ARHGAP24: variants seen among roughly 807,000 people sequenced by gnomAD.
The protein encoded by ARHGAP24 is Rho GTPase activating protein 24, also known as rho GTPase-activating protein 24.
A neutral mutation model predicts 76.4 loss-of-function variants in ARHGAP24; 50 were observed. That is an observed-to-expected ratio of 0.65 (90% confidence interval 0.52 to 0.83). The LOEUF is 0.83. ARHGAP24 is among the 40% of genes least tolerant of loss of function. The pLI is 0.00. For synonymous variants in ARHGAP24, 345 were observed against 323.3 expected, an observed-to-expected ratio of 1.07 and a Z score of -0.72; for missense variants, 930 against 914.2, an observed-to-expected ratio of 1.02 and a Z score of -0.22.
chr4:85,495,868 C>T (rs551495063), intron 1 of ARHGAP24, among the ~76,000 whole-genome samples: 15 of 152,284 alleles, frequency 9.9e-5, no homozygotes, highest in African/African-American at 3.6e-4. Flanking sequence ...TGACTGTCAG[C>T]ATTATTTCTC....
chr4:85,884,576 T>C (rs1263235075), intron 3 of ARHGAP24, among the ~76,000 whole-genome samples: 1 of 152,174 alleles, frequency 6.6e-6, no homozygotes, highest in Non-Finnish European at 1.5e-5. Context: ...CAAGCCTCCA[T>C]TCTGGGTTAG....
chr4:85,662,206 A>C (rs1314872400), intron 2 of ARHGAP24, among the ~76,000 whole-genome samples: 1 of 152,150 alleles, frequency 6.6e-6, no homozygotes, highest in East Asian at 1.9e-4. Flanking sequence ...AATGATTGCC[A>C]TTCTAACTGG....
At chr4:85,696,207 C>A (rs1723859276) in intron 2 of ARHGAP24, among the ~76,000 whole-genome samples, 1 of 151,644 alleles carries the variant, frequency 6.6e-6, no homozygotes, top group Admixed American at 6.6e-5. Flanking sequence ...GTATTTATTT[C>A]TTCCTGATTC....
intron 1 of ARHGAP24, among the ~76,000 whole-genome samples, chr4:85,513,996 A>T (rs1553911623): frequency 3.3e-5 from 5 of 152,148 alleles, no homozygotes; most frequent in Non-Finnish European, 7.4e-5. Context: ...AAAGGTCTGC[A>T]TTCCTGTTTT....
intron 3 of ARHGAP24, among the ~76,000 whole-genome samples, chr4:85,854,601 T>G (rs537575788): frequency 1.3e-5 from 2 of 152,352 alleles, no homozygotes; most frequent in South Asian, 4.1e-4. Context: ...CCTTTCTTGC[T>G]CTTTTCATTT....
intron 3 of ARHGAP24, among the ~76,000 whole-genome samples, chr4:85,759,049 A>T (rs1726635413): frequency 1.3e-5 from 2 of 152,216 alleles, no homozygotes; most frequent in South Asian, 4.1e-4. Flanking sequence ...TTGCACTTTA[A>T]TTCCCAAATT....
intron 3 of ARHGAP24, among the ~76,000 whole-genome samples, chr4:85,776,575 G>C (rs1173718625): frequency 6.6e-6 from 1 of 152,142 alleles, no homozygotes; most frequent in Admixed American, 6.6e-5. Flanking sequence ...AAGTAGGTTT[G>C]AAGGCCAATT....
intron 3 of ARHGAP24, among the ~76,000 whole-genome samples, chr4:85,730,038 A>G (rs1361785031): frequency 6.6e-6 from 1 of 152,308 alleles, no homozygotes; most frequent in African/African-American, 2.4e-5. Flanking sequence ...CCATTGCCTC[A>G]AAATCATGAT....
chr4:85,619,856 G>A (rs1430703934), intron 2 of ARHGAP24, among the ~76,000 whole-genome samples: 1 of 151,452 alleles, frequency 6.6e-6, no homozygotes, highest in Non-Finnish European at 1.5e-5. Context: ...TTTGTTGAGA[G>A]TTTTTATTAT....
chr4:85,595,141 A>G (rs946263158), intron 2 of ARHGAP24, among the ~76,000 whole-genome samples: 1 of 152,082 alleles, frequency 6.6e-6, no homozygotes, highest in Non-Finnish European at 1.5e-5. Context: ...ACTTCCCTCC[A>G]ATCCAATAAC....
intron 3 of ARHGAP24, among the ~76,000 whole-genome samples, chr4:85,818,606 G>A (rs1046474243): frequency 6.6e-6 from 1 of 152,122 alleles, no homozygotes; most frequent in Non-Finnish European, 1.5e-5. Context: ...CATCAAAAGG[G>A]CCTCAGTTAG....
At chr4:85,957,382 T>C (rs746080199) in intron 5 of ARHGAP24, among the ~76,000 whole-genome samples, 1 of 152,172 alleles carries the variant, frequency 6.6e-6, no homozygotes, top group Non-Finnish European at 1.5e-5. Flanking sequence ...GAACATGTTA[T>C]TAAATGTCCC....
chr4:85,628,210 T>C (rs1420170748), intron 2 of ARHGAP24, among the ~76,000 whole-genome samples: 2 of 152,208 alleles, frequency 1.3e-5, no homozygotes, highest in African/African-American at 4.8e-5. Flanking sequence ...TATTTGACCA[T>C]CTTGGCTCCT....
chr4:85,954,946 G>C (rs1451196021), intron 5 of ARHGAP24, among the ~76,000 whole-genome samples: 3 of 152,210 alleles, frequency 2.0e-5, no homozygotes. Flanking sequence ...GGAGGCGGAG[G>C]TTGCGGTGAG....
chr4:85,603,364 G>T (rs73832882), intron 2 of ARHGAP24, among the ~76,000 whole-genome samples: 2 of 152,102 alleles, frequency 1.3e-5, no homozygotes, highest in East Asian at 1.9e-4. Context: ...TAGCTGTGAC[G>T]CACTTACCAT....
intron 1 of ARHGAP24, among the ~76,000 whole-genome samples, chr4:85,501,499 G>A (rs1380167801): frequency 2.6e-5 from 4 of 152,150 alleles, no homozygotes; most frequent in Non-Finnish European, 4.4e-5. Context: ...TTTTTCATGT[G>A]TCTGTTGGCT....
chr4:85,887,769 C>G (rs1315209657), intron 3 of ARHGAP24, among the ~76,000 whole-genome samples: 1 of 152,126 alleles, frequency 6.6e-6, no homozygotes, highest in Non-Finnish European at 1.5e-5. Flanking sequence ...TAAAGATGCT[C>G]TGTTCTTATG....
Position 85,834,386 on chromosome 4 carries a change from A to T in ARHGAP24, c.269-89262A>T, listed in dbSNP as rs115192293. ...ATCATGAAGGAAAATAGAGAATTGC[A>T]TAAAAGAATATTTTAAAACACCTCC... On this transcript the variant is annotated intron_variant, in intron 3 of 9. Transcript: ENST00000395184. 8.3e-3 allele frequency among the ~76,000 whole-genome samples: 1,271 copies of T among 152,358 alleles called. 14 individuals carry two copies. The highest frequency in any genetic ancestry group is 0.029 in the African/African-American group (1,223 of 41,588).
At chr4:85,647,261 G>T (rs997430042) in intron 2 of ARHGAP24, among the ~76,000 whole-genome samples, 2 of 152,052 alleles carry the variant, frequency 1.3e-5, no homozygotes, top group Non-Finnish European at 2.9e-5. Context: ...TTTATGAAGG[G>T]TATTTGCATA....
Sources: gnomAD v4.1 joint callset for allele counts (sites outside exome capture counted in the v4.1 genomes callset) on GRCh38, gnomAD v4.1.1 for gene constraint, MANE v1.5 for transcripts, NCBI Gene and HGNC (gene_info 2026-07-23, HGNC 2026-07-21) for gene names.